The following PLAC8 variants were observed in gnomAD, a reference collection of about 807,000 sequenced individuals.
PLAC8 encodes placenta associated 8.
A neutral mutation model predicts 12.6 loss-of-function variants in PLAC8; 6 were observed. The observed-to-expected ratio is 0.48, with a 90% CI of 0.26 to 0.94. The LOEUF is 0.94. PLAC8 is among the 40% of genes least tolerant of loss of function. The probability of loss-of-function intolerance (pLI) is 0.14; values close to 1 mark genes in which losing one functional copy is unlikely to be tolerated. For missense variants in PLAC8, 122 were observed against 152.7 expected (o/e 0.80, Z 1.06); for synonymous variants, 54 against 52.6 (o/e 1.03, Z -0.11).
chr4:83,114,157 T>C (rs991487338), intron 1 of PLAC8, among the ~76,000 whole-genome samples: 7 of 152,138 alleles, frequency 4.6e-5, no homozygotes, highest in Admixed American at 2.0e-4. Flanking sequence ...GAATTTAATT[T>C]TGAAGAATTC....
chr4:83,103,619 G>A (rs954603561), intron 3 of PLAC8, among the ~76,000 whole-genome samples: 2 of 152,164 alleles, frequency 1.3e-5, no homozygotes, highest in African/African-American at 2.4e-5. Flanking sequence ...TTTCATGAAA[G>A]GAATGGTCAA....
chr4:83,100,414 A>G (rs1732067023), intron 3 of PLAC8, among the ~76,000 whole-genome samples: 1 of 152,070 alleles, frequency 6.6e-6, no homozygotes, highest in Admixed American at 6.5e-5. Context: ...AGATGCCACT[A>G]TGCTTCCTGT....
chr4:83,094,537 A>G lies in PLAC8; in HGVS notation c.*9+141T>C, dbSNP rs556334174. ...CTTCATAAGAAGAAAATTAAAGCCA[A>G]TCTTGATATTATGATAGCACTTCAG... On this transcript the variant is annotated intron_variant, in intron 4 of 4. Coordinates refer to ENST00000311507, the MANE Select transcript of PLAC8 (RefSeq NM_016619.3). 54 of 578,676 alleles carry G rather than the reference A, an allele frequency of 9.3e-5. No individual in the cohort carries two copies. In the African/African-American group the frequency reaches 1.0e-3, roughly 11 times the overall value. 35.8% of individuals were successfully genotyped at this position (578,676 alleles called of 1,614,324 possible).
intron 3 of PLAC8, among the ~76,000 whole-genome samples, chr4:83,095,183 G>C (rs1181166010): frequency 6.6e-6 from 1 of 152,198 alleles, no homozygotes; most frequent in African/African-American, 2.4e-5. Flanking sequence ...TCTAATACAG[G>C]AGAGAAGCTA....
In PLAC8 at chr4:83,108,804, T is replaced by C. The variant is rs183149177; in HGVS notation, c.-29-854A>G. Among the ~76,000 whole-genome samples, 4 of 152,344 alleles carry C rather than the reference T, an allele frequency of 2.6e-5. No individual in the cohort carries two copies. The East Asian group carries it at 7.7e-4, about 29-fold the overall frequency. ...GAAAATAGCATTCTCTAAAATGGCA[T>C]CATCCTAAACTTTTGTGTATATCCC... On this transcript the variant is annotated intron_variant, in intron 1 of 4. Transcript: ENST00000311507.
chr4:83,097,161 A>G (rs1578736235), intron 3 of PLAC8, among the ~76,000 whole-genome samples: 4 of 152,210 alleles, frequency 2.6e-5, no homozygotes, highest in Admixed American at 2.6e-4. Flanking sequence ...CCGGTCATCC[A>G]ATTAAGAAAT....
intron 3 of PLAC8, among the ~76,000 whole-genome samples, chr4:83,097,313 A>C (rs1482324692): frequency 1.3e-5 from 2 of 152,110 alleles, no homozygotes; most frequent in Admixed American, 6.5e-5. Context: ...CTTAGGAAAA[A>C]AGCACTTAAA....
intron 2 of PLAC8, among the ~76,000 whole-genome samples, chr4:83,105,226 C>A (rs1351219531): frequency 6.6e-6 from 1 of 152,240 alleles, no homozygotes; most frequent in Non-Finnish European, 1.5e-5. Context: ...CACGCCTTTG[C>A]AAAGTATATC....
At chr4:83,092,044 C>T (rs1281632739) in intron 4 of PLAC8, among the ~76,000 whole-genome samples, 1 of 152,108 alleles carries the variant, frequency 6.6e-6, no homozygotes, top group Non-Finnish European at 1.5e-5. Context: ...TGCTCTTTCT[C>T]TCTTGTTTAG....
At chr4:83,107,210 C>CAAAAAAAAAAACAAAAAAAAAAA in intron 2 of PLAC8, among the ~76,000 whole-genome samples, 1 of 108,398 alleles carries the variant, frequency 9.2e-6, no homozygotes, top group East Asian at 2.3e-4. Flanking sequence ...CAAAAACAAA[C>CAAAAAAAAAAACAAAAAAAAAAA]AAAAAAAAAA....
At chr4:83,105,186 G>A (rs1004072819) in intron 2 of PLAC8, among the ~76,000 whole-genome samples, 166 bp from the exon 3 acceptor site, 6 of 152,140 alleles carry the variant, frequency 3.9e-5, no homozygotes, top group South Asian at 2.1e-4. Flanking sequence ...TCAATTTCTC[G>A]CTCCACCCGC....
intron 3 of PLAC8, among the ~76,000 whole-genome samples, chr4:83,104,280 T>C (rs1732184094): frequency 6.6e-6 from 1 of 152,234 alleles, no homozygotes; most frequent in Admixed American, 6.5e-5. Flanking sequence ...CAATATTTGC[T>C]TTATTGTGGT....
At chr4:83,102,452 TTG>T (rs1732121295) in intron 3 of PLAC8, among the ~76,000 whole-genome samples, 3 of 152,108 alleles carry the variant, frequency 2.0e-5, no homozygotes, top group Non-Finnish European at 2.9e-5. Context: ...GGTGGGAGAA[TTG>T]CTTGAACCTG....
At chr4:83,105,148 A>G in intron 2 of PLAC8, 128 bp from the exon 3 acceptor site, 3 of 972,546 alleles carry the variant, frequency 3.1e-6, no homozygotes, top group Admixed American at 2.2e-5. Context: ...TGCTAAGTCC[A>G]TCTTCAATGT....
chr4:83,109,480 G>T (rs1160323445), intron 1 of PLAC8, among the ~76,000 whole-genome samples: 1 of 152,200 alleles, frequency 6.6e-6, no homozygotes, highest in Non-Finnish European at 1.5e-5. Flanking sequence ...AGGGGGTCCG[G>T]CTGAGCCGAT....
intron 1 of PLAC8, among the ~76,000 whole-genome samples, chr4:83,112,541 G>A (rs917862899): frequency 1.3e-5 from 2 of 152,028 alleles, no homozygotes; most frequent in Non-Finnish European, 2.9e-5. Context: ...AAGTCTACTC[G>A]GCTTATCCCT....
chr4:83,099,594 A>G (rs1471754293), intron 3 of PLAC8, among the ~76,000 whole-genome samples: 5 of 152,076 alleles, frequency 3.3e-5, no homozygotes, highest in East Asian at 1.9e-4. Context: ...GTAATCCCCA[A>G]TGTTGGAGGT....
intron 3 of PLAC8, among the ~76,000 whole-genome samples, chr4:83,095,337 G>T (rs1002472072): frequency 6.6e-6 from 1 of 152,192 alleles, no homozygotes; most frequent in Non-Finnish European, 1.5e-5. Flanking sequence ...ATGTGTTGAA[G>T]TTGTTGGGAA....
chr4:83,111,639 T>A (rs905626052), intron 1 of PLAC8, among the ~76,000 whole-genome samples: 1 of 152,218 alleles, frequency 6.6e-6, no homozygotes, highest in Non-Finnish European at 1.5e-5. Context: ...GAAAAACATG[T>A]TCATTTAACA....
Sources: gnomAD v4.1 joint callset for allele counts (sites outside exome capture counted in the v4.1 genomes callset) on GRCh38, gnomAD v4.1.1 for gene constraint, MANE v1.5 for transcripts, NCBI Gene and HGNC (gene_info 2026-07-23, HGNC 2026-07-21) for gene names.